Variants in DENND2B observed in about 807,000 individuals in gnomAD.
The protein encoded by DENND2B is DENN domain-containing protein 2B.
In DENND2B, 32 loss-of-function variants were observed where a neutral mutation model predicts 116.0. That is an observed-to-expected ratio of 0.28 (90% confidence interval 0.21 to 0.37). The LOEUF (loss-of-function observed/expected upper bound fraction) is 0.37, where lower values mean the gene tolerates loss of function less well. DENND2B is among the 10% of genes least tolerant of loss of function. DENND2B has a pLI of 1.00. For synonymous variants in DENND2B, 588 were observed against 583.9 expected, an observed-to-expected ratio of 1.01 and a Z score of -0.10; for missense variants, 1,276 against 1,477.7, an observed-to-expected ratio of 0.86 and a Z score of 2.24.
At chr11:8,721,293 A>C (rs2046123320) in intron 4 of DENND2B, among the ~76,000 whole-genome samples, 1 of 146,594 alleles carries the variant, frequency 6.8e-6, no homozygotes. Context: ...ACAACCTCCC[A>C]CTCCTCTCCA....
intron 5 of DENND2B, 23 bp from the exon 6 acceptor site, chr11:8,715,841 C>A (rs761598325): frequency 1.3e-6 from 2 of 1,572,500 alleles, no homozygotes; most frequent in African/African-American, 1.3e-5. Context: ...AGAGGACGTG[C>A]GAGAGGGGCT....
At chr11:8,814,041 T>C (rs1202338277), upstream of DENND2B, among the ~76,000 whole-genome samples, 1 of 152,198 alleles carries the variant, frequency 6.6e-6, no homozygotes, top group Non-Finnish European at 1.5e-5. Context: ...CAAGCATACA[T>C]GTGCCAGAAA....
At chr11:8,909,348 G>A (rs1250099758) in intron 1 of DENND2B, among the ~76,000 whole-genome samples, 1 of 152,038 alleles carries the variant, frequency 6.6e-6, no homozygotes, top group Non-Finnish European at 1.5e-5. Context: ...TGGCTGACAG[G>A]GTGATACCCT....
rs879667848 is a variant in DENND2B at position 8,824,758 on chromosome 11, G to A, written c.-114-13423C>T. 5.6e-4 allele frequency among the ~76,000 whole-genome samples: 84 copies of A among 150,726 alleles called. 1 individual carries two copies. Among genetic ancestry groups the A allele is most frequent in the African/African-American group, 1.9e-3 (79 of 40,982 alleles). ...GTCTGGAATGCAGTGGCACAATCTC[G>A]GCTTGCTGCAGCCACCACCTCTCAG... On this transcript the variant is annotated intron_variant, in intron 4 of 6. Transcript: ENST00000524757.
At chr11:8,847,740 A>T (rs915858486) in intron 3 of DENND2B, among the ~76,000 whole-genome samples, 2 of 152,196 alleles carry the variant, frequency 1.3e-5, no homozygotes, top group Non-Finnish European at 2.9e-5. Context: ...TAAGGTCCAT[A>T]CTAAATGAAC....
intron 2 of DENND2B, among the ~76,000 whole-genome samples, chr11:8,868,906 G>A (rs1055595109): frequency 1.3e-5 from 2 of 152,146 alleles, no homozygotes; most frequent in Admixed American, 1.3e-4. Context: ...TCCAACCTGC[G>A]GCCCATGGGC....
chr11:8,858,065 T>A (rs1293729473), intron 2 of DENND2B, among the ~76,000 whole-genome samples: 2 of 152,180 alleles, frequency 1.3e-5, no homozygotes, highest in African/African-American at 4.8e-5. Context: ...TTCTTGGCCA[T>A]GTTATGATAG....
intron 1 of DENND2B, among the ~76,000 whole-genome samples, chr11:8,890,768 G>A (rs1039010073): frequency 6.6e-6 from 1 of 152,198 alleles, no homozygotes; most frequent in African/African-American, 2.4e-5. Context: ...CATCTGAGTG[G>A]TGTACCTGAA....
chr11:8,743,861 C>T (rs1053040781), intron 2 of DENND2B, among the ~76,000 whole-genome samples: 1 of 151,914 alleles, frequency 6.6e-6, no homozygotes, highest in African/African-American at 2.4e-5. Context: ...ATCCTCCCAC[C>T]TCAGCCTCCA....
intron 3 of DENND2B, among the ~76,000 whole-genome samples, chr11:8,846,784 G>A (rs193228512): frequency 1.3e-5 from 2 of 152,234 alleles, no homozygotes; most frequent in East Asian, 3.9e-4. Flanking sequence ...TTATACCAGA[G>A]GCGGCCTGCA....
rs986671937 is a variant in DENND2B, at chr11:8,694,089, A to G, written c.*7T>C. ...AAGGCACTGGACTCTGCTACTGAGA[A>G]GGAGGCTTAATTCTTCTTGTGGAGA... On this transcript the variant is annotated 3_prime_UTR_variant, in exon 20 of 20. Coordinates refer to ENST00000313726, the MANE Select transcript of DENND2B (RefSeq NM_213618.2). The G allele has an allele frequency of 1.2e-6, 2 of 1,614,148 alleles. No homozygotes were observed. The highest frequency in any genetic ancestry group is 1.3e-5 in the African/African-American group (1 of 75,042).
Position 8,702,748 on chromosome 11 carries a change from C to T in DENND2B, c.2572-28G>A, listed in dbSNP as rs757811628. 2.2e-5 allele frequency: 36 copies of T among 1,605,768 alleles called. No individual in the cohort carries two copies. In the Middle Eastern group the frequency reaches 7.1e-4, roughly 31 times the overall value. ...GCAGGAGAGCGATGGGAAAGTGGGC[C>T]GGGGCCAGCCAAGTGGGTGCTGCCC... On this transcript the variant is annotated intron_variant, in intron 13 of 19. Transcript: ENST00000313726. The surrounding 1 kb of genome is among the most constrained non-coding windows in gnomAD (Gnocchi z 4.6).
At chr11:8,757,210 G>T in intron 1 of DENND2B, 1 of 401,958 alleles carries the variant, frequency 2.5e-6, no homozygotes, top group Non-Finnish European at 4.9e-6. Context: ...CACTATAACA[G>T]CCATAATAGC....
intron 5 of DENND2B, among the ~76,000 whole-genome samples, chr11:8,717,527 C>G (rs2045126910): frequency 6.6e-6 from 1 of 152,202 alleles, no homozygotes; most frequent in Non-Finnish European, 1.5e-5. Flanking sequence ...GAGGTTTCAA[C>G]ATGGTGGACA....
At chr11:8,762,571 G>A (rs2054866863) in intron 1 of DENND2B, among the ~76,000 whole-genome samples, 1 of 152,192 alleles carries the variant, frequency 6.6e-6, no homozygotes, top group South Asian at 2.1e-4. Flanking sequence ...TCTCTGAAAA[G>A]CTTATAAGAC....
intron 3 of DENND2B, among the ~76,000 whole-genome samples, chr11:8,843,079 C>T (rs1380267125): frequency 1.3e-5 from 2 of 151,864 alleles, no homozygotes; most frequent in African/African-American, 4.8e-5. Context: ...TGCAGTGGCG[C>T]GATCTCGGCT....
chr11:8,701,813 C>T (rs1002329052), intron 14 of DENND2B, among the ~76,000 whole-genome samples: 1 of 152,162 alleles, frequency 6.6e-6, no homozygotes, highest in African/African-American at 2.4e-5. Flanking sequence ...CTCCCATGGC[C>T]ACCACCAGAC....
At chr11:8,829,045 T>A (rs895423377) in intron 4 of DENND2B, among the ~76,000 whole-genome samples, 4 of 144,116 alleles carry the variant, frequency 2.8e-5, no homozygotes, top group Non-Finnish European at 6.1e-5. Context: ...GTATGGTGTG[T>A]TTGTGTGTGG....
At chr11:8,705,496 C>T (rs1313743121) in intron 13 of DENND2B, among the ~76,000 whole-genome samples, 1 of 152,204 alleles carries the variant, frequency 6.6e-6, no homozygotes. Context: ...GGCCTCTGCA[C>T]GTTGGGGTTC....
Sources: allele counts gnomAD v4.1 joint callset (sites outside exome capture counted in the v4.1 genomes callset), GRCh38; gene constraint gnomAD v4.1.1; non-coding constraint Gnocchi (gnomAD v3.1); transcripts MANE v1.5; gene names NCBI Gene and HGNC (gene_info 2026-07-23, HGNC 2026-07-21).